The following EXO1 variants were observed in gnomAD, a reference collection of about 807,000 sequenced individuals.
EXO1 encodes exonuclease 1.
In EXO1, 69 loss-of-function variants were observed where a neutral mutation model predicts 84.5. The ratio of observed to expected loss-of-function variants is 0.82; its 90% CI spans 0.67 to 1.00. EXO1 has a LOEUF of 1.00. Ranked by LOEUF, EXO1 falls within the 50% of genes least tolerant of loss-of-function variation. The pLI, the probability that EXO1 is intolerant of heterozygous loss-of-function variation, is 0.00. For synonymous variants in EXO1, 373 were observed against 366.1 expected (o/e 1.02, Z -0.21); for missense variants, 1,045 against 1,000.7 (o/e 1.04, Z -0.60).
intron 14 of EXO1, among the ~76,000 whole-genome samples, 191 bp from the exon 15 acceptor site, chr1:241,885,123 C>T (rs540061362): frequency 3.3e-5 from 5 of 152,084 alleles, no homozygotes; most frequent in East Asian, 1.9e-4. Flanking sequence ...AGGAGAATGG[C>T]GTCAACCCGG....
intron 6 of EXO1, among the ~76,000 whole-genome samples, chr1:241,853,707 A>G (rs1635515): frequency 0.62 from 93,927 of 151,660 alleles, 29,588 homozygotes; most frequent in East Asian, 0.8. Flanking sequence ...AAGTCATGTT[A>G]TTCCATAGCA....
chr1:241,861,456 T>C lies in EXO1; in HGVS notation c.995T>C (p.Ile332Thr). The C allele has an allele frequency of 6.3e-7, 1 of 1,594,354 alleles. No homozygotes were observed. Among genetic ancestry groups the C allele is most frequent in the Non-Finnish European group, 8.6e-7 (1 of 1,161,996 alleles). ...CAAATAGCACTTGGAAATAAAGATA[T>C]AAATACTTTTGAACAGATCGATGAC... is the stretch of plus-strand genomic sequence containing the variant. ...ALQIALGNKD[I>T]NTFEQIDDYN... Residue 332 changes from isoleucine to threonine, a missense_variant, in exon 10 of 16, where the codon ATA (isoleucine) becomes ACA (threonine). Ile to Thr is a moderately conservative substitution (Grantham distance 89). Transcript: ENST00000366548.
In EXO1 at chr1:241,849,108, GCA is replaced by G. The variant is rs919908119; in HGVS notation, c.-122-3_-122-2del. ...CTGCTTTGTTTAAAATTCATTCACA[GCA>G]GAACTAGTGAATCCCAGTCACTGAG... On this transcript the variant is annotated splice_acceptor_variant and splice_polypyrimidine_tract_variant and intron_variant, in intron 2 of 15. Transcript: ENST00000366548. LOFTEE classifies it low-confidence loss of function (5UTR_SPLICE). 1 of 152,204 alleles carries G rather than the reference GCA, an allele frequency of 6.6e-6. No homozygotes were observed. The highest frequency in any genetic ancestry group is 2.4e-5 in the African/African-American group (1 of 41,438). The allele number at this position is 152,204 out of a possible 1,614,324, so 9.4% of individuals were successfully genotyped here.
At chr1:241,862,393 T>C (rs1474291361) in intron 10 of EXO1, among the ~76,000 whole-genome samples, 1 of 152,206 alleles carries the variant, frequency 6.6e-6, no homozygotes, top group Non-Finnish European at 1.5e-5. Flanking sequence ...TTTAATCCCA[T>C]TTACGTAAAG....
intron 6 of EXO1, among the ~76,000 whole-genome samples, chr1:241,856,474 G>A (rs1160205977): frequency 6.6e-6 from 1 of 151,770 alleles, no homozygotes; most frequent in Non-Finnish European, 1.5e-5. Flanking sequence ...ATATATGTAA[G>A]ATACATTATT....
chr1:241,851,910 A>C (rs948534315), intron 4 of EXO1, among the ~76,000 whole-genome samples: 1 of 152,228 alleles, frequency 6.6e-6, no homozygotes, highest in Admixed American at 6.5e-5. Context: ...TGTCGTTGGA[A>C]GAATCCAGTG....
At chr1:241,884,399 A>G (rs949989335) in intron 14 of EXO1, among the ~76,000 whole-genome samples, 22 of 152,220 alleles carry the variant, frequency 1.4e-4, no homozygotes, top group African/African-American at 5.3e-4. Flanking sequence ...AGAAACAATA[A>G]CAAAACTTCA....
Position 241,858,668 on chromosome 1 carries a change from G to C in EXO1, c.706G>C (p.Ala236Pro), listed in dbSNP as rs1209366230. The change falls in exon 8 of 16, where the codon GCA (alanine) becomes CCA (proline). Residue 236 changes from alanine (A) to proline (P), a missense_variant. By Grantham distance (27) the Ala-to-Pro change is conservative. Transcript: ENST00000366548. ...GTCATCACTGCGTGGGATTGGATTAGCAAAGGCATGCAAAGTCCTAAGACT... is the reference window on the plus strand; with the variant it reads ...GTCATCACTGCGTGGGATTGGATTACCAAAGGCATGCAAAGTCCTAAGACT... The part of the protein sequence containing the change: ...YLSSLRGIGL[A>P]KACKVLRLAN... The C allele has an allele frequency of 1.2e-6, 2 of 1,613,908 alleles. No homozygotes were observed. Among genetic ancestry groups the C allele is most frequent in the Non-Finnish European group, 1.7e-6 (2 of 1,179,960 alleles).
intron 6 of EXO1, 109 bp downstream of exon 6, chr1:241,853,590 A>G (rs1430204125): frequency 3.6e-6 from 4 of 1,111,758 alleles, no homozygotes; most frequent in Non-Finnish European, 5.5e-6. Context: ...CCTAACCTCA[A>G]GTAAAGGGCA....
chr1:241,868,162 G>T (rs1574158336), intron 11 of EXO1, among the ~76,000 whole-genome samples: 1 of 151,934 alleles, frequency 6.6e-6, no homozygotes, highest in East Asian at 1.9e-4. Flanking sequence ...ATCACTTGAG[G>T]TCAGGTGCTC....
intron 5 of EXO1, 152 bp from the exon 6 acceptor site, chr1:241,853,206 G>T: frequency 4.1e-6 from 3 of 728,452 alleles, no homozygotes; most frequent in Non-Finnish European, 7.1e-6. Flanking sequence ...TAAAGCATCT[G>T]GGTTAATGTT....
Position 241,889,611 on chromosome 1 carries a change from C to T in EXO1, c.*11C>T. On this transcript the variant is annotated 3_prime_UTR_variant, in exon 16 of 16. Transcript: ENST00000366548. ...GCAATATTCCAGTAAATGCAGACTGCTGCAAAGCTTTTGCCTGCAAGAGAA... is the reference window on the plus strand; with the variant it reads ...GCAATATTCCAGTAAATGCAGACTGTTGCAAAGCTTTTGCCTGCAAGAGAA... 6.2e-7 allele frequency: 1 copy of T among 1,613,642 alleles called. No homozygotes were observed. Among genetic ancestry groups the T allele is most frequent in the South Asian group, 1.1e-5 (1 of 91,076 alleles).
Position 241,871,976 on chromosome 1 carries a change from C to G in EXO1, c.1268-56C>G, listed in dbSNP as rs193243265. Reference sequence around the variant, plus strand: ...ATGGGATATAAACTGAAGTTAAGGCCAAATCTCTAAGTACAGGTGAAACAA... The same window carrying G: ...ATGGGATATAAACTGAAGTTAAGGCGAAATCTCTAAGTACAGGTGAAACAA... On this transcript the variant is annotated intron_variant, in intron 11 of 15. Coordinates refer to ENST00000366548, the MANE Select transcript of EXO1 (RefSeq NM_130398.4). 12 of 1,470,748 alleles carry G rather than the reference C, an allele frequency of 8.2e-6. No individual in the cohort carries two copies. The Admixed American group carries it at 1.2e-4, about 15-fold the overall frequency. The allele number at this position is 1,470,748 out of a possible 1,614,324, so 91.1% of individuals were successfully genotyped here. A position where few individuals can be genotyped will look rare whatever the true frequency, so the allele number is the denominator to read the frequency against.
At chr1:241,887,919 A>G (rs889447163) in intron 15 of EXO1, among the ~76,000 whole-genome samples, 2 of 152,092 alleles carry the variant, frequency 1.3e-5, no homozygotes, top group African/African-American at 2.4e-5. Flanking sequence ...GATTACAGAC[A>G]TGAGCCACCA....
rs1654143995 is a variant in EXO1, at chr1:241,848,214, G to C, written c.-559G>C. 6.6e-6 allele frequency: 1 copy of C among 152,332 alleles called. No individual in the cohort carries two copies. Among genetic ancestry groups the C allele is most frequent in the South Asian group, 2.1e-4 (1 of 4,836 alleles). The allele number at this position is 152,332 out of a possible 1,614,324, so 9.4% of individuals were successfully genotyped here. The stretch of plus-strand genomic sequence containing the variant: ...GCAAATTGAAAGGTCAGCCTTTCGC[G>C]CGCTGTGTAGGCAAGTTACCCGTGT... On this transcript the variant is annotated 5_prime_UTR_variant, in exon 1 of 16. Coordinates refer to ENST00000366548, the MANE Select transcript of EXO1 (RefSeq NM_130398.4). The surrounding 1 kb of genome is among the most constrained non-coding windows in gnomAD (Gnocchi z 4.2).
intron 15 of EXO1, 38 bp downstream of exon 15, chr1:241,885,545 CTG>C (rs1404507820): frequency 4.2e-6 from 6 of 1,439,948 alleles, no homozygotes; most frequent in Non-Finnish European, 5.9e-6. Flanking sequence ...ACAAGATAAA[CTG>C]TTATTTTCTG....
intron 13 of EXO1, among the ~76,000 whole-genome samples, chr1:241,879,803 G>A (rs1285389191): frequency 6.6e-6 from 1 of 152,178 alleles, no homozygotes; most frequent in Non-Finnish European, 1.5e-5. Context: ...TCAGGAGTTT[G>A]AGACCAGCCT....
intron 11 of EXO1, 140 bp downstream of exon 11, chr1:241,867,195 G>T: frequency 1.4e-6 from 1 of 722,696 alleles, no homozygotes; most frequent in East Asian, 2.7e-5. Context: ...TCACCCTGCT[G>T]ATAAACACAT....
rs1380904045 is a variant in EXO1, at chr1:241,848,858, T to C, written c.-292T>C. 1 of 152,160 alleles carries C rather than the reference T, an allele frequency of 6.6e-6. No homozygotes were observed. Among genetic ancestry groups the C allele is most frequent in the Non-Finnish European group, 1.5e-5 (1 of 68,032 alleles). 9.4% of individuals were successfully genotyped at this position (152,160 alleles called of 1,614,324 possible). A position where few individuals can be genotyped will look rare whatever the true frequency, so the allele number is the denominator to read the frequency against. On this transcript the variant is annotated 5_prime_UTR_variant, in exon 2 of 16. An upstream start codon of the reference 5' UTR is lost. Coordinates refer to ENST00000366548, the MANE Select transcript of EXO1 (RefSeq NM_130398.4). The surrounding 1 kb of genome is among the most constrained non-coding windows in gnomAD (Gnocchi z 4.2). The stretch of plus-strand genomic sequence containing the variant: ...AGTGCCACATGCGACCTCTGAGATA[T>C]GTACACAGTCATTCTTACTATCGCA...
Sources: gnomAD v4.1 joint callset for allele counts (sites outside exome capture counted in the v4.1 genomes callset) on GRCh38, gnomAD v4.1.1 for gene constraint, Gnocchi (gnomAD v3.1) non-coding constraint, MANE v1.5 for transcripts, NCBI Gene and HGNC (gene_info 2026-07-23, HGNC 2026-07-21) for gene names.